PPP2R5A: variants seen among roughly 807,000 people sequenced by gnomAD.
PPP2R5A encodes protein phosphatase 2 regulatory subunit B'alpha, also known as serine/threonine-protein phosphatase 2A 56 kDa regulatory subunit alpha isoform.
In PPP2R5A, 25 loss-of-function variants were observed where a neutral mutation model predicts 64.2. The ratio of observed to expected loss-of-function variants is 0.39; its 90% CI spans 0.28 to 0.54. The LOEUF is 0.54. Among genes scored for constraint, PPP2R5A ranks in the 20% least tolerant of loss-of-function variants. PPP2R5A has a pLI of 0.67. For synonymous variants in PPP2R5A, 198 were observed against 201.2 expected (o/e 0.98, Z 0.13); for missense variants, 425 against 576.3 (o/e 0.74, Z 2.69).
At chr1:212,345,591 G>A (rs1006419945) in intron 4 of PPP2R5A, among the ~76,000 whole-genome samples, 8 of 152,098 alleles carry the variant, frequency 5.3e-5, no homozygotes, top group African/African-American at 1.9e-4. Flanking sequence ...TATATTTATT[G>A]TAAATGTCAT....
At chr1:212,334,303 T>C (rs1659555316) in intron 3 of PPP2R5A, among the ~76,000 whole-genome samples, 1 of 152,166 alleles carries the variant, frequency 6.6e-6, no homozygotes, top group East Asian at 1.9e-4. Flanking sequence ...CTTTCCTTTT[T>C]TTTTGAGATG....
At chr1:212,338,748 T>C (rs996319625) in intron 3 of PPP2R5A, among the ~76,000 whole-genome samples, 60 of 151,368 alleles carry the variant, frequency 4.0e-4, no homozygotes, top group African/African-American at 1.3e-3. Context: ...CATTGCGCCA[T>C]TGCACTCCAG....
chr1:212,325,646 TTATA>T (rs1232282371), intron 1 of PPP2R5A, among the ~76,000 whole-genome samples: 1 of 151,852 alleles, frequency 6.6e-6, no homozygotes, highest in Non-Finnish European at 1.5e-5. Context: ...ATTATGGAAT[TTATA>T]TTAATTATAA....
At chr1:212,293,816 T>C (rs1164956049) in intron 1 of PPP2R5A, among the ~76,000 whole-genome samples, 1 of 152,116 alleles carries the variant, frequency 6.6e-6, no homozygotes, top group Non-Finnish European at 1.5e-5. Flanking sequence ...CTTACTGTGA[T>C]GTTATATCTA....
chr1:212,309,173 G>A, intron 1 of PPP2R5A: 2 of 1,318,474 alleles, frequency 1.5e-6, no homozygotes, highest in Non-Finnish European at 2.2e-6. Context: ...GTGTCATAGA[G>A]CTTCTTCACA....
intron 1 of PPP2R5A, among the ~76,000 whole-genome samples, chr1:212,322,279 A>AGGGAGT: frequency 7.7e-6 from 1 of 129,158 alleles, no homozygotes; most frequent in African/African-American, 3.0e-5. Flanking sequence ...GGAGAGGGAG[A>AGGGAGT]GGAGGGAGAG....
intron 1 of PPP2R5A, among the ~76,000 whole-genome samples, chr1:212,300,729 TACTG>T (rs1313530315): frequency 3.9e-5 from 6 of 152,186 alleles, no homozygotes; most frequent in Non-Finnish European, 7.3e-5. Flanking sequence ...TTTCTGGAAA[TACTG>T]AATCAACTCA....
chr1:212,341,294 C>T (rs528134291), intron 3 of PPP2R5A, among the ~76,000 whole-genome samples: 1 of 152,300 alleles, frequency 6.6e-6, no homozygotes, highest in South Asian at 2.1e-4. Context: ...ACAGACATTT[C>T]TTCCCTAGCC....
Position 212,356,668 on chromosome 1 carries a change from C to A in PPP2R5A, c.970C>A (p.Gln324Lys). ...GAAATTTTGGCCAAAAACCTGCAGTCAGAAAGAGGTGGGTTTTGTTCACTA... is the reference window on the plus strand; with the variant it reads ...GAAATTTTGGCCAAAAACCTGCAGTAAGAAAGAGGTGGGTTTTGTTCACTA... Reference protein sequence around the residue: ...LLKFWPKTCSQKEVMFLGEIE... With the variant: ...LLKFWPKTCSKKEVMFLGEIE... The change falls in exon 9 of 13, where the codon CAG (glutamine) becomes AAG (lysine). Residue 324 changes from glutamine (Q) to lysine (K), a missense_variant. Gln to Lys is a moderately conservative substitution (Grantham distance 53). Around this residue, in one of 4 missense-constraint regions of PPP2R5A, gnomAD observed 177 missense variants for 244.8 expected, o/e 0.72. Transcript: ENST00000261461. 6.2e-7 allele frequency: 1 copy of A among 1,612,688 alleles called. No individual in the cohort carries two copies. Among genetic ancestry groups the A allele is most frequent in the South Asian group, 1.1e-5 (1 of 90,792 alleles).
chr1:212,339,064 G>A (rs1489962258), intron 3 of PPP2R5A, among the ~76,000 whole-genome samples: 1 of 152,112 alleles, frequency 6.6e-6, no homozygotes, highest in Non-Finnish European at 1.5e-5. Flanking sequence ...GTGACACTGG[G>A]ACAGGATAAA....
intron 1 of PPP2R5A, among the ~76,000 whole-genome samples, chr1:212,304,418 G>A (rs1000859293): frequency 7.2e-5 from 11 of 151,976 alleles, no homozygotes; most frequent in East Asian, 1.9e-4. Context: ...GGGTGGTGGC[G>A]CATGCCTGTA....
At chr1:212,309,591 GTCA>G (rs1182163775) in intron 1 of PPP2R5A, 1 of 662,962 alleles carries the variant, frequency 1.5e-6, no homozygotes, top group African/African-American at 1.8e-5. Context: ...CTACTTTAAA[GTCA>G]TATATTCTGT....
At chr1:212,333,841 C>T (rs562476806) in intron 3 of PPP2R5A, 216 of 322,972 alleles carry the variant, frequency 6.7e-4, no homozygotes, top group African/African-American at 4.2e-3. Context: ...AAAGTACATT[C>T]GCCATGTTAT....
At chr1:212,355,350 C>T (rs979800593) in intron 8 of PPP2R5A, among the ~76,000 whole-genome samples, 1 of 151,974 alleles carries the variant, frequency 6.6e-6, no homozygotes, top group Non-Finnish European at 1.5e-5. Context: ...TCTGGTATTC[C>T]TTTCCAACAT....
chr1:212,322,054 GGC>G (rs1558147019), intron 1 of PPP2R5A, among the ~76,000 whole-genome samples: 3 of 151,448 alleles, frequency 2.0e-5, no homozygotes, highest in Admixed American at 1.3e-4. Flanking sequence ...CAGGCGTGGC[GGC>G]GCGCGCCTGC....
intron 1 of PPP2R5A, among the ~76,000 whole-genome samples, chr1:212,314,833 A>G (rs1659115725): frequency 1.3e-5 from 2 of 151,940 alleles, no homozygotes; most frequent in African/African-American, 4.8e-5. Flanking sequence ...AAGTGTTGGG[A>G]TTACAGGCAT....
chr1:212,351,737 A>G (rs1393397299), intron 8 of PPP2R5A, among the ~76,000 whole-genome samples: 1 of 152,186 alleles, frequency 6.6e-6, no homozygotes, highest in Non-Finnish European at 1.5e-5. Flanking sequence ...CTAAAAAGAA[A>G]AAAGTGCAGA....
chr1:212,324,236 TG>T (rs1161662184), intron 1 of PPP2R5A, among the ~76,000 whole-genome samples: 2 of 152,314 alleles, frequency 1.3e-5, no homozygotes, highest in East Asian at 3.9e-4. Flanking sequence ...ACATCTAGGC[TG>T]TGTACAAACC....
At position 212,333,597 on chromosome 1, in the gene PPP2R5A, A is replaced by G; in HGVS notation, c.479A>G (p.Gln160Arg). Residue 160 changes from glutamine (Q) to arginine (R), a missense_variant and splice_region_variant, in exon 3 of 13, where the codon CAG becomes CGG. Transcript: ENST00000261461. ...PTLEASWPHIQLVYEFFLRFL... is the reference protein window; with the variant it reads ...PTLEASWPHIRLVYEFFLRFL... Reference sequence around the variant, plus strand: ...CTTGAGGCCTCTTGGCCTCACATACAGGTATGGAACATAATTACGTATTGG... The same window carrying G: ...CTTGAGGCCTCTTGGCCTCACATACGGGTATGGAACATAATTACGTATTGG... 3.3e-6 allele frequency: 5 copies of G among 1,504,608 alleles called. No individual in the cohort carries two copies. The highest frequency in any genetic ancestry group is 4.5e-6 in the Non-Finnish European group (5 of 1,104,508). 93.2% of individuals were successfully genotyped at this position (1,504,608 alleles called of 1,614,324 possible).
Sources: allele counts gnomAD v4.1 joint callset (sites outside exome capture counted in the v4.1 genomes callset), GRCh38; gene constraint gnomAD v4.1.1; regional missense constraint gnomAD v4.1.1; transcripts MANE v1.5; gene names NCBI Gene and HGNC (gene_info 2026-07-23, HGNC 2026-07-21).